F5: variants seen among roughly 807,000 people sequenced by gnomAD.
F5 encodes the protein coagulation factor V.
Under a neutral mutation model 216.4 loss-of-function variants are expected in F5, and 138 were observed. The ratio of observed to expected loss-of-function variants is 0.64; its 90% CI spans 0.56 to 0.73. F5 has a LOEUF of 0.73. Ranked by LOEUF, F5 falls within the 30% of genes least tolerant of loss-of-function variation. The pLI is 0.00. For synonymous variants in F5, 916 were observed against 930.7 expected, an observed-to-expected ratio of 0.98 and a Z score of 0.29; for missense variants, 2,403 against 2,674.0, an observed-to-expected ratio of 0.90 and a Z score of 2.24.
At chr1:169,563,797 A>T (rs1660537431) in intron 3 of F5, among the ~76,000 whole-genome samples, 1 of 151,842 alleles carries the variant, frequency 6.6e-6, no homozygotes, top group Non-Finnish European at 1.5e-5. Context: ...GCTTTCTGGA[A>T]CATATTGAGA....
At position 169,520,628 on chromosome 1, in the gene F5, C is replaced by T. The variant is rs753239604; in HGVS notation, c.6085G>A (p.Glu2029Lys). 6.2e-7 allele frequency: 1 copy of T among 1,613,872 alleles called. No individual in the cohort carries two copies. Among genetic ancestry groups the T allele is most frequent in the Non-Finnish European group, 8.5e-7 (1 of 1,179,880 alleles). The change falls in exon 22 of 25, where the codon GAG becomes AAG. Residue 2029 changes from glutamate (E) to lysine (K), a missense_variant. Transcript: ENST00000367797. Reference protein sequence around the residue: ...NGNSDASTIKENQFDPPIVAR... With the variant: ...NGNSDASTIKKNQFDPPIVAR... ...ACAATAGGTGGGTCAAACTGATTCT[C>T]TTTTATTGTAGAGGCATCTGAATTG...
At chr1:169,574,598 T>C (rs992818241) in intron 2 of F5, among the ~76,000 whole-genome samples, 3 of 152,184 alleles carry the variant, frequency 2.0e-5, no homozygotes, top group African/African-American at 7.2e-5. Context: ...ATAATAAGGC[T>C]TTCCTGTACT....
intron 16 of F5, 22 bp downstream of exon 16, chr1:169,529,586 G>T (rs546302910): frequency 4.4e-6 from 7 of 1,594,960 alleles, no homozygotes; most frequent in Non-Finnish European, 6.0e-6. Context: ...TAGGAGATTA[G>T]ATCAAAGTCT....
chr1:169,514,289 C>T lies in F5; in HGVS notation c.*24G>A. On this transcript the variant is annotated 3_prime_UTR_variant, in exon 25 of 25. Coordinates refer to ENST00000367797, the MANE Select transcript of F5 (RefSeq NM_000130.5). ...GGTTTGAGGTCTTAAAGAGTCTCTTCCAGGGGTTTTTGAATGTTCAATTCT... is the reference window on the plus strand; with the variant it reads ...GGTTTGAGGTCTTAAAGAGTCTCTTTCAGGGGTTTTTGAATGTTCAATTCT... The T allele has an allele frequency of 6.2e-7, 1 of 1,612,186 alleles. No individual in the cohort carries two copies. The highest frequency in any genetic ancestry group is 8.5e-7 in the Non-Finnish European group (1 of 1,178,672).
intron 2 of F5, among the ~76,000 whole-genome samples, chr1:169,573,350 C>T (rs534595392): frequency 1.3e-5 from 2 of 152,274 alleles, no homozygotes; most frequent in Admixed American, 1.3e-4. Flanking sequence ...AAAAGTTCAT[C>T]ATAGCTGCTG....
At chr1:169,576,793 C>T (rs374595948) in intron 2 of F5, among the ~76,000 whole-genome samples, 23 of 152,082 alleles carry the variant, frequency 1.5e-4, no homozygotes, top group African/African-American at 4.3e-4. Flanking sequence ...AATTGTGTGC[C>T]GCATTTAGTT....
chr1:169,581,780 G>GA (rs905537017), intron 2 of F5, among the ~76,000 whole-genome samples: 3 of 151,938 alleles, frequency 2.0e-5, no homozygotes, highest in Non-Finnish European at 4.4e-5. Context: ...AAGAGATGAG[G>GA]AAAAAATAAG....
chr1:169,564,463 A>G (rs957807306), intron 3 of F5, among the ~76,000 whole-genome samples: 2 of 151,964 alleles, frequency 1.3e-5, no homozygotes, highest in Admixed American at 6.6e-5. Context: ...ACACTCTTCA[A>G]GCAGTAAGCT....
intron 17 of F5, among the ~76,000 whole-genome samples, chr1:169,527,457 A>T (rs538394608): frequency 1.3e-5 from 2 of 152,252 alleles, no homozygotes; most frequent in South Asian, 4.2e-4. Context: ...TTTCCTCTTC[A>T]AACAGTCTAT....
Position 169,518,464 on chromosome 1 carries a change from G to T in F5, c.6293C>A (p.Pro2098His). Residue 2098 changes from proline to histidine, a missense_variant, in exon 23 of 25, where the codon CCC becomes CAC. Physicochemically the swap from Pro to His is moderately conservative, Grantham distance 77 (BLOSUM62 -2). This residue lies in a region of F5 where 659 missense variants were observed against 787.9 expected (regional missense o/e 0.84). Coordinates refer to ENST00000367797, the MANE Select transcript of F5 (RefSeq NM_000130.5). The part of the protein sequence containing the change: ...KKSWWGDYWE[P>H]FRARLNAQGR... ...CTGGGCATTCAGACGGGCACGGAAG[G>T]GTTCCCAGTAATCTCCCCACCAAGA... The T allele has an allele frequency of 1.2e-6, 2 of 1,613,768 alleles. No homozygotes were observed. The highest frequency in any genetic ancestry group is 8.5e-7 in the Non-Finnish European group (1 of 1,179,812).
chr1:169,578,980 ATATTTAAGTCTCTG>A lies in F5; in HGVS notation c.250+3437_250+3450del, dbSNP rs1347347272. ...GCATTTCTATAGAGTCTTCCCTTAA[ATATTTAAGTCTCTG>A]TATTCCTTTTTATAAAATTCTCAAA... On this transcript the variant is annotated intron_variant, in intron 2 of 24. Coordinates refer to ENST00000367797, the MANE Select transcript of F5 (RefSeq NM_000130.5). Among the ~76,000 whole-genome samples the A allele has an allele frequency of 9.9e-5, 15 of 152,220 alleles. No homozygotes were observed. The East Asian group carries it at 2.3e-3, about 23-fold the overall frequency.
At position 169,540,965 on chromosome 1, in the gene F5, G is replaced by C. The variant is rs776752266; in HGVS notation, c.4125C>G (p.Leu1375=). 33 of 1,595,642 alleles carry C rather than the reference G, an allele frequency of 2.1e-5. No individual in the cohort carries two copies. The South Asian group carries it at 3.5e-4, about 17-fold the overall frequency. The change falls in exon 13 of 25, where the codon CTC becomes CTG. Residue 1375 remains leucine (L), a synonymous_variant. Coordinates refer to ENST00000367797, the MANE Select transcript of F5 (RefSeq NM_000130.5). The part of the protein sequence containing the change: ...TLSLDLSQTN[L]SPELSQTNLS... ...GGTTTGTCTGACTGAGTTCTGGAGA[G>C]AGGTTTGTCTGGCTGAGGTCTAGAG...
rs1363649400 is a variant in F5 at position 169,546,300 on chromosome 1, T to C, written c.1762+142A>G. The C allele has an allele frequency of 1.3e-5, 13 of 1,014,390 alleles. No individual in the cohort carries two copies. In the Admixed American group the frequency reaches 2.7e-4, roughly 21 times the overall value. 62.8% of individuals were successfully genotyped at this position (1,014,390 alleles called of 1,614,324 possible). ...GCTATGATGTCACCCACGGATTTCA[T>C]CACCAAGTCTTTGGACTGGAAGTGA... On this transcript the variant is annotated intron_variant, in intron 11 of 24. Coordinates refer to ENST00000367797, the MANE Select transcript of F5 (RefSeq NM_000130.5).
rs1354609313 is a variant in F5, at chr1:169,577,577, ATATATATATATATATATATATATATATG to A, written c.250+4826_250+4853del. On this transcript the variant is annotated intron_variant, in intron 2 of 24. Transcript: ENST00000367797. ...CTAATTTAAATATATATATATATATATATATATATATATATATATATATATATGTATGTATTTTTTTAAATAGAAACAG... is the reference window on the plus strand; with the variant it reads ...CTAATTTAAATATATATATATATATATATGTATTTTTTTAAATAGAAACAG... Among the ~76,000 whole-genome samples the A allele has an allele frequency of 2.9e-3, 308 of 105,010 alleles. 7 individuals are homozygous for A. Among genetic ancestry groups the A allele is most frequent in the African/African-American group, 0.011 (275 of 24,332 alleles). The allele number at this position is 105,010 out of a possible 152,430, so 68.9% of individuals were successfully genotyped here. A position where few individuals can be genotyped will look rare whatever the true frequency, so the allele number is the denominator to read the frequency against.
Position 169,520,579 on chromosome 1 carries a change from G to A in F5, c.6134C>T (p.Pro2045Leu), listed in dbSNP as rs1370956676. ...GGTAGGTCTGTTATAGGCTCGAGTTGGAGAGATCCTAATATATCTAGCCAC... is the reference window on the plus strand; with the variant it reads ...GGTAGGTCTGTTATAGGCTCGAGTTAGAGAGATCCTAATATATCTAGCCAC... ...PIVARYIRIS[P>L]TRAYNRPTLR... Residue 2045 changes from proline (P) to leucine (L), a missense_variant, in exon 22 of 25, where the codon CCA (proline) becomes CTA (leucine). Transcript: ENST00000367797. The A allele has an allele frequency of 6.2e-7, 1 of 1,613,910 alleles. No homozygotes were observed. The highest frequency in any genetic ancestry group is 8.5e-7 in the Non-Finnish European group (1 of 1,179,928).
chr1:169,515,321 T>C (rs1557903162), intron 24 of F5, 123 bp downstream of exon 24: 1 of 1,227,024 alleles, frequency 8.1e-7, no homozygotes. Context: ...CCTTAAGAAC[T>C]AAGATTTAGA....
chr1:169,567,542 CTT>C (rs35544182), intron 3 of F5, among the ~76,000 whole-genome samples: 36,579 of 141,336 alleles, frequency 0.26, 4,962 homozygotes, highest in South Asian at 0.37. Flanking sequence ...GGTAAAAGTA[CTT>C]TTTTTTTTTT....
chr1:169,543,166 T>G (rs1453901385), intron 12 of F5, 52 bp from the exon 13 acceptor site: 1 of 1,530,040 alleles, frequency 6.5e-7, no homozygotes, highest in African/African-American at 1.4e-5. Flanking sequence ...GGAAAAGACA[T>G]GAAAACACAA....
rs370805678 is a variant in F5 at position 169,540,297 on chromosome 1, T to C, written c.4793A>G (p.Gln1598Arg). Residue 1598 changes from glutamine (Q) to arginine (R), a missense_variant, in exon 13 of 25, where the codon CAA (glutamine) becomes CGA (arginine). By Grantham distance (43) the Gln-to-Arg change is conservative (BLOSUM62 1). This residue lies in a region of F5 where 659 missense variants were observed against 787.9 expected (regional missense o/e 0.84). Transcript: ENST00000367797. ...AAAAGGAGAAAACTGGCCAAACCTT[T>C]GTACAAATTCTGAATAATCCCAGGA... ...EISWDYSEFVQRETDIEDSDD... is the reference protein window; with the variant it reads ...EISWDYSEFVRRETDIEDSDD... The C allele has an allele frequency of 6.2e-7, 1 of 1,613,794 alleles. No individual in the cohort carries two copies. Among genetic ancestry groups the C allele is most frequent in the East Asian group, 2.2e-5 (1 of 44,870 alleles).
Sources: gnomAD v4.1 joint callset for allele counts (sites outside exome capture counted in the v4.1 genomes callset) on GRCh38, gnomAD v4.1.1 for gene constraint, gnomAD v4.1.1 regional missense constraint, MANE v1.5 for transcripts, NCBI Gene and HGNC (gene_info 2026-07-23, HGNC 2026-07-21) for gene names.